Variants in G3BP1 observed in about 807,000 individuals in gnomAD.
G3BP1 encodes ras GTPase-activating protein-binding protein 1.
A neutral mutation model predicts 58.6 loss-of-function variants in G3BP1; 35 were observed. The observed-to-expected ratio is 0.60, with a 90% CI of 0.46 to 0.79. The LOEUF (loss-of-function observed/expected upper bound fraction) is 0.79. Among genes scored for constraint, G3BP1 ranks in the 30% least tolerant of loss-of-function variants. The pLI, the probability that G3BP1 is intolerant of heterozygous loss-of-function variation, is 0.00. For missense variants in G3BP1, 523 were observed against 580.8 expected (o/e 0.90, Z 1.02); for synonymous variants, 191 against 195.4 (o/e 0.98, Z 0.19).
rs563818387 is a variant in G3BP1 at position 151,807,588 on chromosome 5, A to G, written c.*3497A>G. ...AAGTTTTTTCTCATCAGGTTTGATA[A>G]TTTAATGCAAACTTCAAATCTGGAT... On this transcript the variant is annotated 3_prime_UTR_variant, in exon 12 of 12. Transcript: ENST00000356245. 1 of 152,324 alleles carries G rather than the reference A, an allele frequency of 6.6e-6. No individual in the cohort carries two copies. The highest frequency in any genetic ancestry group is 2.1e-4 in the South Asian group (1 of 4,828). The allele number at this position is 152,324 out of a possible 1,614,324, so 9.4% of individuals were successfully genotyped here. A position where few individuals can be genotyped will look rare whatever the true frequency, so the allele number is the denominator to read the frequency against.
At chr5:151,789,883 T>A (rs1055837642) in intron 2 of G3BP1, among the ~76,000 whole-genome samples, 4 of 152,002 alleles carry the variant, frequency 2.6e-5, no homozygotes, top group African/African-American at 9.7e-5. Context: ...AAAGAAAACG[T>A]TTCTGCCAGG....
chr5:151,779,071 A>G (rs1222253557), intron 1 of G3BP1, among the ~76,000 whole-genome samples: 3 of 151,970 alleles, frequency 2.0e-5, no homozygotes, highest in African/African-American at 4.8e-5. Flanking sequence ...CAGTCAGTCA[A>G]TCAATCAGGT....
intron 2 of G3BP1, among the ~76,000 whole-genome samples, chr5:151,790,041 C>T (rs1389061482): frequency 6.7e-6 from 1 of 148,874 alleles, no homozygotes; most frequent in Non-Finnish European, 1.5e-5. Context: ...GGCATGGTGG[C>T]ATGTGACTGT....
chr5:151,783,011 C>T (rs1167770691), intron 1 of G3BP1, among the ~76,000 whole-genome samples: 1 of 151,910 alleles, frequency 6.6e-6, no homozygotes, highest in Non-Finnish European at 1.5e-5. Context: ...GCGCACGCCA[C>T]CATGCTTGGC....
intron 4 of G3BP1, chr5:151,791,624 G>C (rs1359479464): frequency 6.4e-6 from 1 of 156,434 alleles, no homozygotes; most frequent in Non-Finnish European, 1.4e-5. Context: ...TGATTAGTTA[G>C]GTTTTGCCAC....
intron 7 of G3BP1, 132 bp downstream of exon 7, chr5:151,797,560 C>A: frequency 1.0e-6 from 1 of 981,462 alleles, no homozygotes; most frequent in Non-Finnish European, 1.5e-6. Flanking sequence ...AGGGAAATTT[C>A]TTAGATATTG....
chr5:151,794,341 C>T, intron 5 of G3BP1, 92 bp downstream of exon 5: 1 of 717,148 alleles, frequency 1.4e-6, no homozygotes, highest in Non-Finnish European at 2.5e-6. Context: ...TTACTGTTTT[C>T]ATTACACTCT....
chr5:151,790,005 T>G (rs1170056122), intron 2 of G3BP1, among the ~76,000 whole-genome samples: 2 of 151,266 alleles, frequency 1.3e-5, no homozygotes. Flanking sequence ...TGACCTTATC[T>G]CTACTTAAAT....
In G3BP1 at chr5:151,805,544, C is replaced by T. The variant is rs1183533128; in HGVS notation, c.*1453C>T. ...TAACAGTATTCATCTTTAGGACTGT[C>T]GTTTGAGGATAGCATAGGAATATTT... On this transcript the variant is annotated 3_prime_UTR_variant, in exon 12 of 12. Transcript: ENST00000356245. 6.6e-6 allele frequency: 1 copy of T among 152,104 alleles called. No homozygotes were observed. Among genetic ancestry groups the T allele is most frequent in the East Asian group, 1.9e-4 (1 of 5,192 alleles). 9.4% of individuals were successfully genotyped at this position (152,104 alleles called of 1,614,324 possible). A position where few individuals can be genotyped will look rare whatever the true frequency, so the allele number is the denominator to read the frequency against.
intron 2 of G3BP1, among the ~76,000 whole-genome samples, chr5:151,788,785 T>C (rs1310596794): frequency 6.6e-6 from 1 of 151,526 alleles, no homozygotes; most frequent in African/African-American, 2.4e-5. Context: ...CCTGGCTCTT[T>C]TTTTTTCTGG....
chr5:151,794,009 T>C (rs2113238657), intron 4 of G3BP1, 150 bp from the exon 5 acceptor site: 1 of 581,244 alleles, frequency 1.7e-6, no homozygotes, highest in East Asian at 2.9e-5. Flanking sequence ...AGACCCTGTC[T>C]CAGAACCCCA....
intron 1 of G3BP1, chr5:151,772,382 T>A (rs1283212880): frequency 6.7e-6 from 1 of 149,226 alleles, no homozygotes; most frequent in Non-Finnish European, 1.5e-5. Context: ...CGCCACCCTC[T>A]CCGCCACGCG....
chr5:151,803,783 C>T (rs1762897176), intron 11 of G3BP1, 102 bp from the exon 12 acceptor site: 8 of 777,124 alleles, frequency 1.0e-5, no homozygotes, highest in East Asian at 7.9e-5. Context: ...CATGAGTCAC[C>T]GTGCCCAGCC....
Position 151,806,639 on chromosome 5 carries a change from A to G in G3BP1, c.*2548A>G, listed in dbSNP as rs1401969379. The G allele has an allele frequency of 6.6e-6, 1 of 152,146 alleles. No individual in the cohort carries two copies. Among genetic ancestry groups the G allele is most frequent in the Non-Finnish European group, 1.5e-5 (1 of 68,032 alleles). The allele number at this position is 152,146 out of a possible 1,614,324, so 9.4% of individuals were successfully genotyped here. ...TATACGTTTCCACTGCTGGAAAATC[A>G]TTATAAGTTAGGGCAACATTTTCTA... On this transcript the variant is annotated 3_prime_UTR_variant, in exon 12 of 12. Coordinates refer to ENST00000356245, the MANE Select transcript of G3BP1 (RefSeq NM_005754.3).
At chr5:151,772,109 G>A (rs1762269885) in intron 1 of G3BP1, 73 bp downstream of exon 1, 1 of 152,156 alleles carries the variant, frequency 6.6e-6, no homozygotes, top group South Asian at 2.1e-4. Context: ...AGAGGGAGAA[G>A]TCTGAGTGGC....
In G3BP1 at chr5:151,808,795, A is replaced by T. The variant is rs1329323790; in HGVS notation, c.*4704A>T. ...ATTTTCAGAAGCCCACTTTTGGGGA[A>T]GGTTGCCTATATTTTTGATAGTAAT... On this transcript the variant is annotated 3_prime_UTR_variant, in exon 12 of 12. Transcript: ENST00000356245. 1 of 152,202 alleles carries T rather than the reference A, an allele frequency of 6.6e-6. No homozygotes were observed. Among genetic ancestry groups the T allele is most frequent in the African/African-American group, 2.4e-5 (1 of 41,432 alleles). 9.4% of individuals were successfully genotyped at this position (152,202 alleles called of 1,614,324 possible).
In G3BP1 at chr5:151,804,370, G is replaced by A. The variant is rs1581585429; in HGVS notation, c.*279G>A. Reference sequence around the variant, plus strand: ...AAGACTGAATTTCCTTGCTTACTTTGCATATACAGACTGGATTTTTTTTTT... The same window carrying A: ...AAGACTGAATTTCCTTGCTTACTTTACATATACAGACTGGATTTTTTTTTT... On this transcript the variant is annotated 3_prime_UTR_variant, in exon 12 of 12. Coordinates refer to ENST00000356245, the MANE Select transcript of G3BP1 (RefSeq NM_005754.3). 3 of 310,338 alleles carry A rather than the reference G, an allele frequency of 9.7e-6. No individual in the cohort carries two copies. Among genetic ancestry groups the A allele is most frequent in the Non-Finnish European group, 1.7e-5 (3 of 172,434 alleles). The allele number at this position is 310,338 out of a possible 1,614,324, so 19.2% of individuals were successfully genotyped here. A position where few individuals can be genotyped will look rare whatever the true frequency, so the allele number is the denominator to read the frequency against.
rs922309723 is a variant in G3BP1 at position 151,808,475 on chromosome 5, T to G, written c.*4384T>G. 4 of 152,226 alleles carry G rather than the reference T, an allele frequency of 2.6e-5. No individual in the cohort carries two copies. Among genetic ancestry groups the G allele is most frequent in the Non-Finnish European group, 5.9e-5 (4 of 68,036 alleles). 9.4% of individuals were successfully genotyped at this position (152,226 alleles called of 1,614,324 possible). A position where few individuals can be genotyped will look rare whatever the true frequency, so the allele number is the denominator to read the frequency against. ...CTTGCAATTAGGTTTTTAGTTTCTGTTTATGTGACTTGTTTGAAAACATTG... is the reference window on the plus strand; with the variant it reads ...CTTGCAATTAGGTTTTTAGTTTCTGGTTATGTGACTTGTTTGAAAACATTG... On this transcript the variant is annotated 3_prime_UTR_variant, in exon 12 of 12. Transcript: ENST00000356245.
At chr5:151,785,769 A>G (rs369719087) in intron 1 of G3BP1, among the ~76,000 whole-genome samples, 3 of 152,194 alleles carry the variant, frequency 2.0e-5, no homozygotes, top group South Asian at 2.1e-4. Flanking sequence ...TTTTTTAATT[A>G]CATGATAGAA....
Sources: allele counts gnomAD v4.1 joint callset (sites outside exome capture counted in the v4.1 genomes callset), GRCh38; gene constraint gnomAD v4.1.1; transcripts MANE v1.5; gene names NCBI Gene and HGNC (gene_info 2026-07-23, HGNC 2026-07-21).